Variants in TTLL11 observed in about 807,000 individuals in gnomAD.
TTLL11 encodes tubulin tyrosine ligase like 11.
TTLL11 carries 42 observed loss-of-function variants against 51.7 expected under a neutral mutation model. The observed-to-expected ratio is 0.81, with a 90% CI of 0.64 to 1.05. The LOEUF (loss-of-function observed/expected upper bound fraction) is 1.05. Among genes scored for constraint, TTLL11 ranks in the 50% least tolerant of loss-of-function variants. TTLL11 has a pLI of 0.00. For missense variants in TTLL11, 799 were observed against 940.4 expected, an observed-to-expected ratio of 0.85 and a Z score of 1.97; for synonymous variants, 381 against 383.5, an observed-to-expected ratio of 0.99 and a Z score of 0.08.
chr9:121,948,599 G>A (rs1050102419), intron 6 of TTLL11, among the ~76,000 whole-genome samples: 2 of 152,134 alleles, frequency 1.3e-5, no homozygotes, highest in Admixed American at 6.5e-5. Context: ...GACTGGATGA[G>A]GTAGGTATGG....
In TTLL11 at chr9:121,967,327, C is replaced by T. The variant is rs1423636230; in HGVS notation, c.1481+6682G>A. On this transcript the variant is annotated intron_variant, in intron 6 of 8. Coordinates refer to ENST00000321582, the MANE Select transcript of TTLL11 (RefSeq NM_001139442.2). ...GCAACCTCCGCCTCCCGGGTTCAAG[C>T]GATTCTCTTGCCTCAGCCTCCCGAG... Among the ~76,000 whole-genome samples, 6 of 143,350 alleles carry T rather than the reference C, an allele frequency of 4.2e-5. No individual in the cohort carries two copies. In the East Asian group the frequency reaches 8.7e-4, roughly 21 times the overall value. The allele number at this position is 143,350 out of a possible 152,430, so 94.0% of individuals were successfully genotyped here. A position where few individuals can be genotyped will look rare whatever the true frequency, so the allele number is the denominator to read the frequency against.
intron 8 of TTLL11, among the ~76,000 whole-genome samples, chr9:121,838,915 G>A (rs1013443891): frequency 2.2e-4 from 33 of 151,966 alleles, no homozygotes; most frequent in Non-Finnish European, 4.3e-4. Context: ...CTGCTCTGAG[G>A]GATCGAGCCC....
At chr9:122,062,214 A>G (rs987088901) in intron 1 of TTLL11, among the ~76,000 whole-genome samples, 2 of 152,102 alleles carry the variant, frequency 1.3e-5, no homozygotes, top group African/African-American at 4.8e-5. Context: ...GTGACACTGC[A>G]CTGATCAGAG....
intron 8 of TTLL11, among the ~76,000 whole-genome samples, chr9:121,837,716 C>T (rs1837220764): frequency 6.6e-6 from 1 of 152,154 alleles, no homozygotes; most frequent in Non-Finnish European, 1.5e-5. Context: ...ACTGCCCTTC[C>T]CTCCTGGGGT....
intron 4 of TTLL11, among the ~76,000 whole-genome samples, chr9:121,976,497 A>G (rs1842714150): frequency 6.6e-6 from 1 of 152,200 alleles, no homozygotes; most frequent in Non-Finnish European, 1.5e-5. Flanking sequence ...TAATTAATAG[A>G]ACCCCAAAGT....
intron 6 of TTLL11, among the ~76,000 whole-genome samples, chr9:121,945,262 T>C (rs1322142208): frequency 6.6e-6 from 1 of 152,168 alleles, no homozygotes; most frequent in Non-Finnish European, 1.5e-5. Flanking sequence ...GGGTTAATAA[T>C]ATGAACAAAG....
At chr9:121,881,856 A>C (rs562273941) in intron 6 of TTLL11, among the ~76,000 whole-genome samples, 1 of 152,162 alleles carries the variant, frequency 6.6e-6, no homozygotes, top group Non-Finnish European at 1.5e-5. Flanking sequence ...CCCTGGTTAA[A>C]CCACACAGAG....
intron 6 of TTLL11, among the ~76,000 whole-genome samples, chr9:121,921,071 A>C (rs1408411735): frequency 6.6e-6 from 1 of 152,282 alleles, no homozygotes; most frequent in African/African-American, 2.4e-5. Context: ...GGATGAATTA[A>C]GAGAGGTGAA....
rs560944693 is a variant in TTLL11, at chr9:122,024,848, T to A, written c.693+6875A>T. On this transcript the variant is annotated intron_variant, in intron 3 of 8. Coordinates refer to ENST00000321582, the MANE Select transcript of TTLL11 (RefSeq NM_001139442.2). ...TTTTAGACAAAAACATAGCAGAATA[T>A]CTTTGTGAGCTTGGGTTAGATATAA... Among the ~76,000 whole-genome samples the A allele has an allele frequency of 5.2e-4, 79 of 152,200 alleles. 2 individuals carry two copies. The South Asian group carries it at 0.016, about 31-fold the overall frequency.
intron 6 of TTLL11, among the ~76,000 whole-genome samples, chr9:121,917,818 A>C (rs1009629033): frequency 6.6e-6 from 1 of 152,232 alleles, no homozygotes; most frequent in Non-Finnish European, 1.5e-5. Flanking sequence ...TAGGAAATAA[A>C]TTGCACTTAA....
chr9:122,058,404 G>A (rs1233269619), intron 1 of TTLL11, among the ~76,000 whole-genome samples: 1 of 152,216 alleles, frequency 6.6e-6, no homozygotes, highest in Non-Finnish European at 1.5e-5. Flanking sequence ...CAAGCCTACA[G>A]CTGTCATGTT....
chr9:121,996,960 T>C (rs2131712177), intron 3 of TTLL11, among the ~76,000 whole-genome samples: 1 of 152,356 alleles, frequency 6.6e-6, no homozygotes, highest in South Asian at 2.1e-4. Flanking sequence ...TGGGCCACGC[T>C]GCCCTTTCTT....
At chr9:121,983,217 GTGAC>G (rs531108381) in intron 4 of TTLL11, among the ~76,000 whole-genome samples, 177 of 152,348 alleles carry the variant, frequency 1.2e-3, no homozygotes, top group African/African-American at 3.8e-3. Context: ...GTTGGTCTGA[GTGAC>G]TGACTGAATG....
At chr9:121,886,249 G>A (rs745797480) in intron 6 of TTLL11, among the ~76,000 whole-genome samples, 12 of 152,212 alleles carry the variant, frequency 7.9e-5, no homozygotes, top group Admixed American at 7.9e-4. Flanking sequence ...GCAGTGGGCT[G>A]AACACTGTCC....
chr9:121,998,396 C>A (rs906319191), intron 3 of TTLL11, among the ~76,000 whole-genome samples: 1 of 152,114 alleles, frequency 6.6e-6, no homozygotes, highest in South Asian at 2.1e-4. Flanking sequence ...AAGCGATTCT[C>A]GTGCCTCAGC....
intron 4 of TTLL11, among the ~76,000 whole-genome samples, chr9:121,975,428 T>A (rs1346761144): frequency 6.6e-6 from 1 of 152,120 alleles, no homozygotes; most frequent in Non-Finnish European, 1.5e-5. Flanking sequence ...AACCACCACA[T>A]CAGCTGGGCT....
chr9:121,992,675 T>C (rs1843148607), intron 3 of TTLL11, among the ~76,000 whole-genome samples: 1 of 152,244 alleles, frequency 6.6e-6, no homozygotes, highest in African/African-American at 2.4e-5. Context: ...CCAAACCTGC[T>C]GTTGGACCTG....
chr9:122,045,534 G>A (rs28784018), intron 1 of TTLL11, among the ~76,000 whole-genome samples: 6,584 of 152,258 alleles, frequency 0.043, 175 homozygotes, highest in African/African-American at 0.074. Context: ...CTGGGCGATA[G>A]AGTGAGACTC....
chr9:121,839,763 C>A (rs1293013334), intron 8 of TTLL11, among the ~76,000 whole-genome samples: 1 of 152,196 alleles, frequency 6.6e-6, no homozygotes, highest in Non-Finnish European at 1.5e-5. Context: ...ACTGGCGGGG[C>A]CTTCTAGAAT....
Sources: gnomAD v4.1 joint callset for allele counts (sites outside exome capture counted in the v4.1 genomes callset) on GRCh38, gnomAD v4.1.1 for gene constraint, MANE v1.5 for transcripts, NCBI Gene and HGNC (gene_info 2026-07-23, HGNC 2026-07-21) for gene names.